Variants in ITGBL1 observed in about 807,000 individuals in gnomAD.
ITGBL1 encodes the protein integrin beta-like protein 1.
Under a neutral mutation model 68.5 loss-of-function variants are expected in ITGBL1, and 51 were observed. The observed-to-expected ratio is 0.74, with a 90% CI of 0.59 to 0.94. The LOEUF is 0.94. Among genes scored for constraint, ITGBL1 ranks in the 40% least tolerant of loss-of-function variants. The pLI is 0.00. For synonymous variants in ITGBL1, 209 were observed against 227.3 expected (o/e 0.92, Z 0.72); for missense variants, 649 against 647.4 (o/e 1.00, Z -0.03).
intron 2 of ITGBL1, among the ~76,000 whole-genome samples, chr13:101,560,991 A>G (rs1349401739): frequency 6.6e-6 from 1 of 152,184 alleles, no homozygotes. Context: ...AAAAATCCCC[A>G]TGTGTTTCTG....
intron 3 of ITGBL1, among the ~76,000 whole-genome samples, chr13:101,571,687 GATAA>G (rs1480712650): frequency 2.0e-5 from 3 of 152,056 alleles, no homozygotes; most frequent in South Asian, 2.1e-4. Context: ...TTTGTGTAAA[GATAA>G]ATAGACATAT....
At chr13:101,534,887 A>G (rs1156374655) in intron 2 of ITGBL1, among the ~76,000 whole-genome samples, 1 of 152,132 alleles carries the variant, frequency 6.6e-6, no homozygotes. Context: ...AGATTGTGAA[A>G]TTAACCCAGG....
Position 101,583,248 on chromosome 13 carries a change from G to T in ITGBL1, c.760G>T (p.Asp254Tyr), listed in dbSNP as rs267603743. 11 of 1,613,564 alleles carry T rather than the reference G, an allele frequency of 6.8e-6. No homozygotes were observed. Among genetic ancestry groups the T allele is most frequent in the Non-Finnish European group, 9.3e-6 (11 of 1,179,686 alleles). ...TGTATGTGGTGAATGTACCTGTCAC[G>T]ATGTTGATCCGACTGGGGACTGGGG... ...TCVCGECTCHDVDPTGDWGDI... is the reference protein window; with the variant it reads ...TCVCGECTCHYVDPTGDWGDI... The change falls in exon 6 of 11, where the codon GAT becomes TAT. Residue 254 changes from aspartate (D) to tyrosine (Y), a missense_variant. Coordinates refer to ENST00000376180, the MANE Select transcript of ITGBL1 (RefSeq NM_004791.3).
intron 2 of ITGBL1, among the ~76,000 whole-genome samples, chr13:101,552,613 C>G (rs1410719843): frequency 6.6e-6 from 1 of 152,144 alleles, no homozygotes; most frequent in Non-Finnish European, 1.5e-5. Flanking sequence ...TGTTTATTAA[C>G]TACCCACTTT....
chr13:101,500,975 T>C (rs1360584165), intron 2 of ITGBL1, among the ~76,000 whole-genome samples: 4 of 152,150 alleles, frequency 2.6e-5, no homozygotes, highest in Non-Finnish European at 5.9e-5. Flanking sequence ...TCTTCCTGCT[T>C]CCTCCTGACA....
chr13:101,507,674 G>A (rs1360533353), intron 2 of ITGBL1, among the ~76,000 whole-genome samples: 2 of 151,994 alleles, frequency 1.3e-5, no homozygotes, highest in Non-Finnish European at 2.9e-5. Flanking sequence ...TGGATATATT[G>A]AGGTCACAGA....
At chr13:101,557,284 T>TAA (rs1485637361) in intron 2 of ITGBL1, among the ~76,000 whole-genome samples, 7 of 152,234 alleles carry the variant, frequency 4.6e-5, no homozygotes, top group Non-Finnish European at 1.0e-4. Context: ...CATTACACAG[T>TAA]GCTTTTACTT....
At chr13:101,617,796 G>A (rs781560663) in intron 7 of ITGBL1, among the ~76,000 whole-genome samples, 6 of 152,096 alleles carry the variant, frequency 3.9e-5, no homozygotes, top group Non-Finnish European at 5.9e-5. Flanking sequence ...TCTTGTGAAT[G>A]TGTGGGATAT....
At chr13:101,715,413 A>G (rs2034672465) in intron 10 of ITGBL1, 150 bp from the exon 11 acceptor site, 2 of 658,924 alleles carry the variant, frequency 3.0e-6, no homozygotes, top group Non-Finnish European at 5.5e-6. Context: ...GCTGCTTAAT[A>G]AGATGTAATA....
intron 9 of ITGBL1, among the ~76,000 whole-genome samples, chr13:101,710,043 A>T (rs2034389733): frequency 6.6e-6 from 1 of 152,194 alleles, no homozygotes; most frequent in Non-Finnish European, 1.5e-5. Flanking sequence ...TCCTGAAAAC[A>T]AAACAAAACA....
intron 7 of ITGBL1, among the ~76,000 whole-genome samples, chr13:101,685,012 A>T (rs1417917630): frequency 6.6e-6 from 1 of 151,970 alleles, no homozygotes; most frequent in Non-Finnish European, 1.5e-5. Flanking sequence ...CTTACCTGTT[A>T]TGACATTTCT....
At chr13:101,484,956 T>C (rs893136180) in intron 2 of ITGBL1, among the ~76,000 whole-genome samples, 7 of 152,020 alleles carry the variant, frequency 4.6e-5, no homozygotes, top group Admixed American at 2.6e-4. Flanking sequence ...AAACCGTTAA[T>C]AGGGAGACAA....
At chr13:101,458,205 C>G (rs1400444045) in intron 2 of ITGBL1, among the ~76,000 whole-genome samples, 2 of 152,112 alleles carry the variant, frequency 1.3e-5, no homozygotes, top group African/African-American at 4.8e-5. Flanking sequence ...TATGAGGGCT[C>G]CATTGAGCCA....
chr13:101,687,695 A>T (rs941146240), intron 7 of ITGBL1, among the ~76,000 whole-genome samples: 1 of 152,136 alleles, frequency 6.6e-6, no homozygotes, highest in Admixed American at 6.5e-5. Flanking sequence ...CCTAAAGATT[A>T]TCTACTTTAT....
intron 2 of ITGBL1, among the ~76,000 whole-genome samples, chr13:101,553,721 C>T (rs773059056): frequency 1.8e-4 from 28 of 151,650 alleles, no homozygotes; most frequent in South Asian, 4.2e-4. Flanking sequence ...CACATTGCCC[C>T]GATCCCTGCC....
chr13:101,582,007 A>G (rs994312271), intron 5 of ITGBL1, among the ~76,000 whole-genome samples: 1 of 152,188 alleles, frequency 6.6e-6, no homozygotes, highest in African/African-American at 2.4e-5. Context: ...AAGATCTGCC[A>G]CTGCTACCCA....
At chr13:101,520,014 T>C (rs2139131314) in intron 2 of ITGBL1, among the ~76,000 whole-genome samples, 1 of 152,312 alleles carries the variant, frequency 6.6e-6, no homozygotes, top group Non-Finnish European at 1.5e-5. Flanking sequence ...TGTTTGAGCA[T>C]GTCGACATGC....
chr13:101,461,462 G>T (rs952633292), intron 2 of ITGBL1, among the ~76,000 whole-genome samples: 4 of 152,148 alleles, frequency 2.6e-5, no homozygotes, highest in African/African-American at 9.7e-5. Flanking sequence ...GGGAAGTTGA[G>T]GTGGGAGGAT....
rs189531135 is a variant in ITGBL1 at position 101,661,003 on chromosome 13, C to T, written c.1016-31582C>T. ...ATAGTCTTTTCCATACAACTGTTGA[C>T]ATTCAATTAAAGAAATATGAAACAG... On this transcript the variant is annotated intron_variant, in intron 7 of 10. Coordinates refer to ENST00000376180, the MANE Select transcript of ITGBL1 (RefSeq NM_004791.3). Among the ~76,000 whole-genome samples the T allele has an allele frequency of 1.5e-4, 23 of 152,134 alleles. No homozygotes were observed. In the East Asian group the frequency reaches 4.3e-3, roughly 28 times the overall value.
Sources: allele counts gnomAD v4.1 joint callset (sites outside exome capture counted in the v4.1 genomes callset), GRCh38; gene constraint gnomAD v4.1.1; transcripts MANE v1.5; gene names NCBI Gene and HGNC (gene_info 2026-07-23, HGNC 2026-07-21).